The following SORL1 variants were observed in gnomAD, a reference collection of about 807,000 sequenced individuals.
SORL1 encodes sortilin-related receptor.
SORL1 carries 127 observed loss-of-function variants against 273.7 expected under a neutral mutation model. The ratio of observed to expected loss-of-function variants is 0.46; its 90% confidence interval spans 0.40 to 0.54. The LOEUF (loss-of-function observed/expected upper bound fraction) is 0.54, where lower values mean the gene tolerates loss of function less well. SORL1 is among the 20% of genes least tolerant of loss of function. SORL1 has a pLI of 0.00. For missense variants in SORL1, 2,494 were observed against 2,846.1 expected, an observed-to-expected ratio of 0.88 and a Z score of 2.81; for synonymous variants, 1,031 against 1,067.4, an observed-to-expected ratio of 0.97 and a Z score of 0.66.
intron 2 of SORL1, among the ~76,000 whole-genome samples, chr11:121,474,085 C>A (rs1861219926): frequency 6.6e-6 from 1 of 152,170 alleles, no homozygotes; most frequent in African/African-American, 2.4e-5. Context: ...AATCAGAACA[C>A]CTGGGCTGGA....
chr11:121,549,245 CAG>C (rs1862474092), intron 14 of SORL1, among the ~76,000 whole-genome samples: 1 of 152,088 alleles, frequency 6.6e-6, no homozygotes, highest in African/African-American at 2.4e-5. Context: ...TTTTCTGAGA[CAG>C]GGGCTTGCTC....
intron 5 of SORL1, among the ~76,000 whole-genome samples, chr11:121,495,490 G>A (rs556931752): frequency 2.0e-5 from 3 of 152,224 alleles, no homozygotes; most frequent in South Asian, 2.1e-4. Context: ...AATTTGACAC[G>A]ATTACCTTCA....
At chr11:121,575,890 T>A (rs1620130) in intron 24 of SORL1, among the ~76,000 whole-genome samples, 2 of 152,172 alleles carry the variant, frequency 1.3e-5, no homozygotes, top group African/African-American at 2.4e-5. Context: ...TTCAGCCCCC[T>A]GATCCTCTGT....
At chr11:121,586,781 T>C (rs1375409265) in intron 27 of SORL1, among the ~76,000 whole-genome samples, 1 of 150,742 alleles carries the variant, frequency 6.6e-6, no homozygotes, top group Non-Finnish European at 1.5e-5. Context: ...TTGCCTTGGG[T>C]CACTGGTGCT....
At position 121,629,695 on chromosome 11, in the gene SORL1, A is replaced by AC; in HGVS notation, c.*132_*133insC. On this transcript the variant is annotated 3_prime_UTR_variant, in exon 48 of 48. Transcript: ENST00000260197. ...ATATGGGCCAAAAACAAAAAACAAAAAAAAAAAAAAGGAAAGAAAGGAATG... is the reference window on the plus strand; with the variant it reads ...ATATGGGCCAAAAACAAAAAACAAAACAAAAAAAAAAGGAAAGAAAGGAATG... 3.3e-6 allele frequency: 2 copies of AC among 602,006 alleles called. No individual in the cohort carries two copies. The highest frequency in any genetic ancestry group is 5.9e-6 in the Non-Finnish European group (2 of 338,534). 37.3% of individuals were successfully genotyped at this position (602,006 alleles called of 1,614,324 possible).
chr11:121,507,766 C>A (rs1000587110), intron 6 of SORL1, among the ~76,000 whole-genome samples: 1 of 151,198 alleles, frequency 6.6e-6, no homozygotes, highest in Non-Finnish European at 1.5e-5. Context: ...AGTCTAATGT[C>A]TGAGCTTTTA....
At chr11:121,490,798 T>C (rs1163939928) in intron 5 of SORL1, among the ~76,000 whole-genome samples, 1 of 151,938 alleles carries the variant, frequency 6.6e-6, no homozygotes, top group Non-Finnish European at 1.5e-5. Context: ...TGAATGTCTG[T>C]TAAATATAAA....
In SORL1 at chr11:121,498,871, G is replaced by T. The variant is rs946326960; in HGVS notation, c.939+1822G>T. Among the ~76,000 whole-genome samples, 3 of 79,012 alleles carry T rather than the reference G, an allele frequency of 3.8e-5. No homozygotes were observed. In the East Asian group the frequency reaches 9.3e-4, roughly 24 times the overall value. The allele number at this position is 79,012 out of a possible 152,430, so 51.8% of individuals were successfully genotyped here. A position where few individuals can be genotyped will look rare whatever the true frequency, so the allele number is the denominator to read the frequency against. On this transcript the variant is annotated intron_variant, in intron 6 of 47. Coordinates refer to ENST00000260197, the MANE Select transcript of SORL1 (RefSeq NM_003105.6). ...AATCTGAGCAACAGAGCAAGACTCTGTCTCAAAAAAAAAAAAAAGTTATAT... is the reference window on the plus strand; with the variant it reads ...AATCTGAGCAACAGAGCAAGACTCTTTCTCAAAAAAAAAAAAAAGTTATAT...
intron 43 of SORL1, 87 bp from the exon 44 acceptor site, chr11:121,620,977 A>G: frequency 1.0e-6 from 1 of 965,192 alleles, no homozygotes; most frequent in Non-Finnish European, 1.6e-6. Context: ...CCAGCTATTA[A>G]TATACTACAT....
intron 4 of SORL1, 103 bp downstream of exon 4, chr11:121,488,296 C>T (rs1412273924): frequency 8.8e-6 from 10 of 1,136,600 alleles, no homozygotes; most frequent in Admixed American, 6.2e-5. Flanking sequence ...CTGCCTCTCC[C>T]TCCTTCTCTC....
At chr11:121,514,103 A>G (rs982524322) in intron 7 of SORL1, 49 bp from the exon 8 acceptor site, 9 of 1,580,828 alleles carry the variant, frequency 5.7e-6, no homozygotes, top group Non-Finnish European at 7.8e-6. Flanking sequence ...AAAAGCCCAC[A>G]GGGCACATTT....
intron 25 of SORL1, among the ~76,000 whole-genome samples, chr11:121,580,918 C>CT (rs35751378): frequency 0.035 from 4,734 of 135,538 alleles, 178 homozygotes; most frequent in East Asian, 0.23. Flanking sequence ...TTCTCATACA[C>CT]TTTTTTTTTT....
At chr11:121,520,605 A>G in intron 8 of SORL1, 52 bp from the exon 9 acceptor site, 6 of 1,284,128 alleles carry the variant, frequency 4.7e-6, no homozygotes, top group East Asian at 2.5e-5. Context: ...GTTATTTACA[A>G]TAACAAGCAA....
At chr11:121,502,970 A>G (rs1353855915) in intron 6 of SORL1, among the ~76,000 whole-genome samples, 1 of 152,070 alleles carries the variant, frequency 6.6e-6, no homozygotes, top group Non-Finnish European at 1.5e-5. Flanking sequence ...TCGTGTGCTC[A>G]AGCAATCCTC....
intron 41 of SORL1, among the ~76,000 whole-genome samples, chr11:121,616,046 T>A (rs1565355822): frequency 6.6e-6 from 1 of 152,168 alleles, no homozygotes; most frequent in East Asian, 1.9e-4. Flanking sequence ...GCAGGGACAG[T>A]GATGAGAAGC....
chr11:121,543,828 A>AT, intron 13 of SORL1, 102 bp downstream of exon 13: 1 of 1,138,266 alleles, frequency 8.8e-7, no homozygotes, highest in Non-Finnish European at 1.2e-6. Context: ...AGAGCCTGAC[A>AT]TTCATTGGGG....
chr11:121,502,174 C>T (rs570048524), intron 6 of SORL1, among the ~76,000 whole-genome samples: 58 of 115,012 alleles, frequency 5.0e-4, no homozygotes, highest in Admixed American at 1.6e-3. Context: ...CTCACTCTGT[C>T]GCTCAGGCTG....
At chr11:121,459,640 G>A (rs572060111) in intron 1 of SORL1, among the ~76,000 whole-genome samples, 3 of 152,322 alleles carry the variant, frequency 2.0e-5, no homozygotes, top group South Asian at 2.1e-4. Context: ...CTGGCCTTGC[G>A]CAAACACTGC....
Position 121,590,630 on chromosome 11 carries a change from T to C in SORL1, c.4214-371T>C, listed in dbSNP as rs1247198316. 8 of 601,860 alleles carry C rather than the reference T, an allele frequency of 1.3e-5. No homozygotes were observed. The African/African-American group carries it at 1.5e-4, about 11-fold the overall frequency. 37.3% of individuals were successfully genotyped at this position (601,860 alleles called of 1,614,324 possible). On this transcript the variant is annotated intron_variant, in intron 30 of 47. Coordinates refer to ENST00000260197, the MANE Select transcript of SORL1 (RefSeq NM_003105.6). ...GCATTCTCATCTCTGAACCAGGTCG[T>C]GGAGTAGTTGCGGTTGAATTAACTA...
Sources: gnomAD v4.1 joint callset for allele counts (sites outside exome capture counted in the v4.1 genomes callset) on GRCh38, gnomAD v4.1.1 for gene constraint, MANE v1.5 for transcripts, NCBI Gene and HGNC (gene_info 2026-07-23, HGNC 2026-07-21) for gene names.